Variants in UGT2B10 observed in about 807,000 individuals in gnomAD.
UGT2B10 encodes the protein UDP-glucuronosyltransferase 2B10.
A neutral mutation model predicts 43.7 loss-of-function variants in UGT2B10; 51 were observed. That is an observed-to-expected ratio of 1.17 (90% confidence interval 0.93 to 1.47). The LOEUF (loss-of-function observed/expected upper bound fraction) is 1.47, where lower values mean the gene tolerates loss of function less well. Ranked by LOEUF, UGT2B10 falls within the 40% of genes most tolerant of loss-of-function variation. UGT2B10 has a pLI of 0.00. For synonymous variants in UGT2B10, 225 were observed against 209.0 expected (o/e 1.08, Z -0.66); for missense variants, 696 against 617.7 (o/e 1.13, Z -1.34).
chr4:68,817,887 T>A, intron 1 of UGT2B10, 142 bp from the exon 2 acceptor site: 1 of 941,980 alleles, frequency 1.1e-6, no homozygotes, highest in Non-Finnish European at 1.5e-6. Context: ...AAATTATTCC[T>A]ATATATGAAT....
rs562909588 is a variant in UGT2B10 at position 68,831,248 on chromosome 4, C to T, written c.*369C>T. 3.1e-5 allele frequency: 6 copies of T among 190,848 alleles called. No individual in the cohort carries two copies. In the South Asian group the frequency reaches 6.0e-4, roughly 19 times the overall value. The allele number at this position is 190,848 out of a possible 1,614,324, so 11.8% of individuals were successfully genotyped here. A position where few individuals can be genotyped will look rare whatever the true frequency, so the allele number is the denominator to read the frequency against. On this transcript the variant is annotated 3_prime_UTR_variant, in exon 6 of 6. Transcript: ENST00000265403. ...AGCTGGGACCATAGGTGCATGTCAC[C>T]ATGTCCAACTAATTTTTTATTTTTT...
At chr4:68,820,301 G>T (rs1399547160) in intron 2 of UGT2B10, among the ~76,000 whole-genome samples, 2 of 151,930 alleles carry the variant, frequency 1.3e-5, no homozygotes, top group African/African-American at 4.8e-5. Flanking sequence ...AAGCCAGGTT[G>T]CTTTCTTTTC....
intron 2 of UGT2B10, among the ~76,000 whole-genome samples, chr4:68,819,727 A>G (rs1240308608): frequency 1.3e-5 from 2 of 152,022 alleles, no homozygotes; most frequent in African/African-American, 4.8e-5. Context: ...ATAAAGACCA[A>G]ATAATTTCTG....
chr4:68,825,052 A>T (rs1737700626), intron 3 of UGT2B10, among the ~76,000 whole-genome samples: 2 of 152,194 alleles, frequency 1.3e-5, no homozygotes, highest in South Asian at 4.1e-4. Flanking sequence ...TTCTTGTAGT[A>T]GCTTATTTTA....
chr4:68,828,381 G>A (rs1380505290), intron 5 of UGT2B10, among the ~76,000 whole-genome samples: 2 of 151,638 alleles, frequency 1.3e-5, no homozygotes, highest in African/African-American at 4.8e-5. Flanking sequence ...TCATTTATCA[G>A]TTCATTGGCC....
chr4:68,817,969 A>G, intron 1 of UGT2B10, 60 bp from the exon 2 acceptor site: 1 of 1,561,754 alleles, frequency 6.4e-7, no homozygotes. Flanking sequence ...CCCCTTTCAG[A>G]AAATTACATA....
chr4:68,825,896 G>C (rs1737748339), intron 3 of UGT2B10, among the ~76,000 whole-genome samples: 2 of 151,952 alleles, frequency 1.3e-5, no homozygotes, highest in South Asian at 4.1e-4. Context: ...TTGCCTCTAG[G>C]TTTTTGAGGA....
chr4:68,822,477 A>T, intron 3 of UGT2B10, 75 bp downstream of exon 3: 1 of 1,603,240 alleles, frequency 6.2e-7, no homozygotes. Context: ...CATAGAAAGA[A>T]TATTAAAGAG....
chr4:68,830,900 T>G lies in UGT2B10; in HGVS notation c.*21T>G. The G allele has an allele frequency of 6.2e-7, 1 of 1,607,962 alleles. No individual in the cohort carries two copies. Among genetic ancestry groups the G allele is most frequent in the South Asian group, 1.1e-5 (1 of 90,296 alleles). ...ATTAGTTATATCTGAGATTTGAAGC[T>G]GGAAAACCTGATAGATAGGAATACT... On this transcript the variant is annotated 3_prime_UTR_variant, in exon 6 of 6. Transcript: ENST00000265403.
In UGT2B10 at chr4:68,827,382, G is replaced by A; in HGVS notation, c.1141G>A (p.Glu381Lys). The A allele has an allele frequency of 6.2e-7, 1 of 1,613,396 alleles. No individual in the cohort carries two copies. Among genetic ancestry groups the A allele is most frequent in the Middle Eastern group, 1.7e-4 (1 of 6,052 alleles). Reference sequence around the variant, plus strand: ...TCATGGTGGAGCCAATGGCATCTATGAGGCAATCTACCATGGGATCCCTAT... The same window carrying A: ...TCATGGTGGAGCCAATGGCATCTATAAGGCAATCTACCATGGGATCCCTAT... ...ITHGGANGIYEAIYHGIPMVG... is the reference protein window; with the variant it reads ...ITHGGANGIYKAIYHGIPMVG... Residue 381 changes from glutamate to lysine, a missense_variant, in exon 5 of 6, where the codon GAG (glutamate) becomes AAG (lysine). Physicochemically the swap from Glu to Lys is moderately conservative, Grantham distance 56 (BLOSUM62 1). Transcript: ENST00000265403.
At chr4:68,825,788 T>C (rs760125647) in intron 3 of UGT2B10, among the ~76,000 whole-genome samples, 3 of 152,140 alleles carry the variant, frequency 2.0e-5, no homozygotes, top group Non-Finnish European at 4.4e-5. Flanking sequence ...TGAATAGTAG[T>C]GCAACTAACA....
At chr4:68,825,583 T>A (rs1324050739) in intron 3 of UGT2B10, among the ~76,000 whole-genome samples, 2 of 152,130 alleles carry the variant, frequency 1.3e-5, no homozygotes, top group Non-Finnish European at 2.9e-5. Context: ...AAGTGAGGAC[T>A]TGTTACACTT....
chr4:68,828,529 A>C (rs1466306479), intron 5 of UGT2B10, among the ~76,000 whole-genome samples: 1 of 152,018 alleles, frequency 6.6e-6, no homozygotes, highest in African/African-American at 2.4e-5. Context: ...CAACTTGGAC[A>C]AATAGAAAAG....
chr4:68,825,189 T>A (rs1737710858), intron 3 of UGT2B10, among the ~76,000 whole-genome samples: 1 of 151,990 alleles, frequency 6.6e-6, no homozygotes, highest in Non-Finnish European at 1.5e-5. Context: ...AATTTGGAGA[T>A]GAAAACTAAC....
chr4:68,822,851 C>T (rs576610310), intron 3 of UGT2B10, among the ~76,000 whole-genome samples: 1 of 152,062 alleles, frequency 6.6e-6, no homozygotes, highest in Non-Finnish European at 1.5e-5. Context: ...TGTAGAAATA[C>T]AAGTAAGATT....
rs374924626 is a variant in UGT2B10, at chr4:68,830,688, G to A, written c.1396G>A (p.Val466Ile). 6.2e-7 allele frequency: 1 copy of A among 1,613,406 alleles called. No individual in the cohort carries two copies. Residue 466 changes from valine to isoleucine, a missense_variant, in exon 6 of 6, where the codon GTC (valine) becomes ATC (isoleucine). Val to Ile is a conservative substitution (Grantham distance 29). Coordinates refer to ENST00000265403, the MANE Select transcript of UGT2B10 (RefSeq NM_001075.6). ...LDRAVFWIEF[V>I]MRHKGAKHLR... ...TCGAGCAGTCTTCTGGATTGAATTTGTCATGCGCCACAAAGGAGCCAAACA... is the reference window on the plus strand; with the variant it reads ...TCGAGCAGTCTTCTGGATTGAATTTATCATGCGCCACAAAGGAGCCAAACA...
chr4:68,831,047 T>A lies in UGT2B10; in HGVS notation c.*168T>A. 1.2e-6 allele frequency: 1 copy of A among 845,996 alleles called. No individual in the cohort carries two copies. The highest frequency in any genetic ancestry group is 1.8e-6 in the Non-Finnish European group (1 of 555,074). The allele number at this position is 845,996 out of a possible 1,614,324, so 52.4% of individuals were successfully genotyped here. On this transcript the variant is annotated 3_prime_UTR_variant, in exon 6 of 6. Transcript: ENST00000265403. ...TGTTTTTCAGAGATTTACCACCCAG[T>A]TAATGGTTAGAAATATTCTGTGGCA...
rs1578278098 is a variant in UGT2B10 at position 68,831,436 on chromosome 4, G to C, written c.*557G>C. Among the ~76,000 whole-genome samples, 1 of 152,160 alleles carries C rather than the reference G, an allele frequency of 6.6e-6. No individual in the cohort carries two copies. The highest frequency in any genetic ancestry group is 2.1e-4 in the South Asian group (1 of 4,830). ...AAGAATGATTCAAATGTTCAGGGAT[G>C]AAAGAGTCACTAACATAAAAGAAGA... On this transcript the variant is annotated 3_prime_UTR_variant, in exon 6 of 6. Coordinates refer to ENST00000265403, the MANE Select transcript of UGT2B10 (RefSeq NM_001075.6).
chr4:68,822,669 A>G (rs1560417165), intron 3 of UGT2B10, among the ~76,000 whole-genome samples: 1 of 152,118 alleles, frequency 6.6e-6, no homozygotes, highest in Non-Finnish European at 1.5e-5. Flanking sequence ...ATATGTATCC[A>G]CAAAAGGGAA....
Sources: allele counts gnomAD v4.1 joint callset (sites outside exome capture counted in the v4.1 genomes callset), GRCh38; gene constraint gnomAD v4.1.1; transcripts MANE v1.5; gene names NCBI Gene and HGNC (gene_info 2026-07-23, HGNC 2026-07-21).